Variants in ASH1L observed in about 807,000 individuals in gnomAD.
ASH1L encodes ASH1 like histone lysine methyltransferase, also known as histone-lysine N-methyltransferase ASH1L.
ASH1L carries 23 observed loss-of-function variants against 269.0 expected under a neutral mutation model. The ratio of observed to expected loss-of-function variants is 0.09; its 90% CI spans 0.06 to 0.12. ASH1L has a LOEUF of 0.12. Among genes scored for constraint, ASH1L ranks in the 10% least tolerant of loss-of-function variants. The pLI is 1.00. For synonymous variants in ASH1L, 1,187 were observed against 1,253.5 expected (o/e 0.95, Z 1.12); for missense variants, 2,912 against 3,567.8 (o/e 0.82, Z 4.68).
intron 5 of ASH1L, among the ~76,000 whole-genome samples, chr1:155,427,117 A>T: frequency 6.8e-6 from 1 of 147,280 alleles, no homozygotes; most frequent in African/African-American, 2.5e-5. Flanking sequence ...CTTTCCAGGT[A>T]TATACTCTGA....
At chr1:155,503,452 T>C (rs1667633851) in intron 2 of ASH1L, among the ~76,000 whole-genome samples, 1 of 152,200 alleles carries the variant, frequency 6.6e-6, no homozygotes, top group Non-Finnish European at 1.5e-5. Flanking sequence ...CATAGTAAAT[T>C]AGGACTTGGC....
rs1664155579 is a variant in ASH1L, at chr1:155,459,859, G to A, written c.5024C>T (p.Ser1675Leu). The change falls in exon 4 of 28, where the codon TCA becomes TTA. Residue 1675 changes from serine (S) to leucine (L), a missense_variant. By Grantham distance (145) the Ser-to-Leu change is moderately radical (BLOSUM62 -2). Around this residue, in one of 13 missense-constraint regions of ASH1L, gnomAD observed 789 missense variants for 897.6 expected, o/e 0.88. Coordinates refer to ENST00000392403, the MANE Select transcript of ASH1L (RefSeq NM_018489.3). The stretch of plus-strand genomic sequence containing the variant: ...GGTAGGGCTACAATTTGTGCTCTCT[G>A]ATGGCCGCTGGGAGGGTTTATCAGA... ...PTSDKPSQRP[S>L]ESTNCSPTRK... is the part of the protein sequence containing the mutation. 1 of 1,612,742 alleles carries A rather than the reference G, an allele frequency of 6.2e-7. No homozygotes were observed. The highest frequency in any genetic ancestry group is 1.3e-5 in the African/African-American group (1 of 74,944).
rs1194534413 is a variant in ASH1L, at chr1:155,478,367, A to G, written c.4503T>C (p.Ser1501=). 4.3e-6 allele frequency: 7 copies of G among 1,614,016 alleles called. No individual in the cohort carries two copies. Among genetic ancestry groups the G allele is most frequent in the Non-Finnish European group, 5.9e-6 (7 of 1,180,038 alleles). ...EHRSSEQPQV[S]MDTGSSRSVL... is the part of the protein sequence containing the mutation. ...CAGATCGGGAAGAGCCAGTGTCCATAGAAACCTGGGGTTGTTCAGAAGAAC... is the reference window on the plus strand; with the variant it reads ...CAGATCGGGAAGAGCCAGTGTCCATGGAAACCTGGGGTTGTTCAGAAGAAC... Residue 1501 remains serine, a synonymous_variant, in exon 3 of 28, where the codon TCT becomes TCC. Coordinates refer to ENST00000392403, the MANE Select transcript of ASH1L (RefSeq NM_018489.3). This position sits in a 1 kb window ranked among gnomAD's most constrained non-coding sequence, Gnocchi z 4.6.
intron 2 of ASH1L, among the ~76,000 whole-genome samples, chr1:155,513,040 C>T (rs1668269539): frequency 6.6e-6 from 1 of 151,594 alleles, no homozygotes; most frequent in African/African-American, 2.4e-5. Context: ...CCAACCTAGG[C>T]AATAGCAAGA....
At position 155,354,661 on chromosome 1, in the gene ASH1L, T is replaced by C. The variant is rs1654213277; in HGVS notation, c.7056-31A>G. Reference sequence around the variant, plus strand: ...AGGAAGGAAAAAAAATCTTCCTTTATTCATTAATTAAATAAGCATGTATTA... The same window carrying C: ...AGGAAGGAAAAAAAATCTTCCTTTACTCATTAATTAAATAAGCATGTATTA... On this transcript the variant is annotated intron_variant, in intron 15 of 27. Coordinates refer to ENST00000392403, the MANE Select transcript of ASH1L (RefSeq NM_018489.3). 1.0e-5 allele frequency: 16 copies of C among 1,596,794 alleles called. No individual in the cohort carries two copies. The East Asian group carries it at 3.6e-4, about 36-fold the overall frequency.
Position 155,336,486 on chromosome 1 carries a change from T to G in ASH1L, c.*1174A>C. The G allele has an allele frequency of 6.6e-6, 1 of 152,520 alleles. No individual in the cohort carries two copies. The highest frequency in any genetic ancestry group is 6.6e-5 in the Admixed American group (1 of 15,242). 9.4% of individuals were successfully genotyped at this position (152,520 alleles called of 1,614,324 possible). A position where few individuals can be genotyped will look rare whatever the true frequency, so the allele number is the denominator to read the frequency against. On this transcript the variant is annotated 3_prime_UTR_variant, in exon 28 of 28. Coordinates refer to ENST00000392403, the MANE Select transcript of ASH1L (RefSeq NM_018489.3). The stretch of plus-strand genomic sequence containing the variant: ...TCTAAAACATATATGCATATGTATG[T>G]CTGAAAAGACAACAAAGCTTTTTAA...
chr1:155,461,680 T>C (rs1196799898), intron 3 of ASH1L, among the ~76,000 whole-genome samples: 1 of 151,990 alleles, frequency 6.6e-6, no homozygotes, highest in Non-Finnish European at 1.5e-5. Context: ...GACAGATACA[T>C]ATTTCCTACC....
intron 12 of ASH1L, among the ~76,000 whole-genome samples, chr1:155,360,753 A>T (rs1311801106): frequency 6.6e-6 from 1 of 151,996 alleles, no homozygotes; most frequent in Admixed American, 6.6e-5. Flanking sequence ...TCCACTTTTA[A>T]TCTCTTTTCT....
chr1:155,424,794 T>C (rs1368137869), intron 5 of ASH1L, among the ~76,000 whole-genome samples: 2 of 152,196 alleles, frequency 1.3e-5, no homozygotes, highest in Non-Finnish European at 2.9e-5. Flanking sequence ...TTTGTGTTTG[T>C]AAATTTTGAT....
Position 155,343,701 on chromosome 1 carries a change from C to T in ASH1L, c.8023G>A (p.Asp2675Asn). The T allele has an allele frequency of 1.2e-6, 2 of 1,614,190 alleles. No homozygotes were observed. The highest frequency in any genetic ancestry group is 4.5e-5 in the East Asian group (2 of 44,886). The change falls in exon 23 of 28, where the codon GAT (aspartate) becomes AAT (asparagine). Residue 2675 changes from aspartate to asparagine, a missense_variant. By Grantham distance (23) the Asp-to-Asn change is conservative. Coordinates refer to ENST00000392403, the MANE Select transcript of ASH1L (RefSeq NM_018489.3). This position sits in a 1 kb window ranked among gnomAD's most constrained non-coding sequence, Gnocchi z 6.1. ...YLMRDSRRTP[D>N]GHPVRQSYRL... ...TAGGACTGACGGACCGGGTGGCCAT[C>T]AGGGGTGCGCCGACTATCCCTCATC...
chr1:155,357,535 A>G (rs1170717814), intron 14 of ASH1L, 50 bp downstream of exon 14: 1 of 1,610,068 alleles, frequency 6.2e-7, no homozygotes. Context: ...CAATTGCCTC[A>G]AAGCATCTCA....
intron 7 of ASH1L, among the ~76,000 whole-genome samples, chr1:155,393,152 C>T (rs1397071995): frequency 6.6e-6 from 1 of 152,174 alleles, no homozygotes; most frequent in Non-Finnish European, 1.5e-5. Flanking sequence ...ATTAAGTAAG[C>T]ACACGTAAAG....
intron 6 of ASH1L, among the ~76,000 whole-genome samples, chr1:155,408,483 G>A (rs1435803811): frequency 1.3e-5 from 2 of 152,060 alleles, no homozygotes; most frequent in African/African-American, 2.4e-5. Context: ...AGCTCCTTGA[G>A]GGAAATAGTT....
At chr1:155,384,999 T>C (rs1368400250) in intron 7 of ASH1L, among the ~76,000 whole-genome samples, 1 of 152,218 alleles carries the variant, frequency 6.6e-6, no homozygotes, top group Non-Finnish European at 1.5e-5. Context: ...TGTATTATTC[T>C]ATCTTCTAGT....
chr1:155,425,805 T>C (rs1661103394), intron 5 of ASH1L, among the ~76,000 whole-genome samples: 1 of 151,990 alleles, frequency 6.6e-6, no homozygotes, highest in African/African-American at 2.4e-5. Flanking sequence ...CTCGAACTCC[T>C]GACCTCAGGT....
chr1:155,386,180 G>A (rs1226443827), intron 7 of ASH1L, among the ~76,000 whole-genome samples: 2 of 150,972 alleles, frequency 1.3e-5, no homozygotes, highest in Non-Finnish European at 2.9e-5. Context: ...CGATTCTCCC[G>A]CCTCAGCCTC....
chr1:155,449,108 G>C (rs181326893), intron 4 of ASH1L, among the ~76,000 whole-genome samples: 99 of 151,782 alleles, frequency 6.5e-4, no homozygotes, highest in Middle Eastern at 6.8e-3. Context: ...TAATTTTTTT[G>C]TATTTTTAGC....
At chr1:155,520,275 G>A (rs112922609) in intron 2 of ASH1L, 1,560 of 145,568 alleles carry the variant, frequency 0.011, 37 homozygotes, top group African/African-American at 0.039. Context: ...TAGGAGAATC[G>A]CTTGAACCCA....
intron 6 of ASH1L, among the ~76,000 whole-genome samples, chr1:155,413,076 T>C (rs540364372): frequency 6.6e-6 from 1 of 152,148 alleles, no homozygotes; most frequent in Non-Finnish European, 1.5e-5. Context: ...ATAATTATAT[T>C]TCTGCTCTAT....
Sources: gnomAD v4.1 joint callset for allele counts (sites outside exome capture counted in the v4.1 genomes callset) on GRCh38, gnomAD v4.1.1 for gene constraint, gnomAD v4.1.1 regional missense constraint, Gnocchi (gnomAD v3.1) non-coding constraint, MANE v1.5 for transcripts, NCBI Gene and HGNC (gene_info 2026-07-23, HGNC 2026-07-21) for gene names.